Variants in DIP2C observed in about 807,000 individuals in gnomAD.
DIP2C encodes disco-interacting protein 2 homolog C.
In DIP2C, 33 loss-of-function variants were observed where a neutral mutation model predicts 192.4. The observed-to-expected ratio is 0.17, with a 90% CI of 0.13 to 0.23. The LOEUF is 0.23. Ranked by LOEUF, DIP2C falls within the 10% of genes least tolerant of loss-of-function variation. The probability of loss-of-function intolerance (pLI) is 1.00; values close to 1 mark genes in which losing one functional copy is unlikely to be tolerated. For missense variants in DIP2C, 1,537 were observed against 2,110.1 expected (o/e 0.73, Z 5.32); for synonymous variants, 979 against 864.1 (o/e 1.13, Z -2.33).
At chr10:461,574 C>CA (rs1969781039) in intron 3 of DIP2C, among the ~76,000 whole-genome samples, 1 of 152,178 alleles carries the variant, frequency 6.6e-6, no homozygotes, top group African/African-American at 2.4e-5. Flanking sequence ...TAGACTCCCA[C>CA]ACAGTAACAG....
At position 392,286 on chromosome 10, in the gene DIP2C, A is replaced by G. The variant is rs543469982; in HGVS notation, c.1261-1423T>C. Among the ~76,000 whole-genome samples the G allele has an allele frequency of 8.5e-5, 13 of 152,300 alleles. No individual in the cohort carries two copies. The South Asian group carries it at 2.7e-3, about 32-fold the overall frequency. ...AAGTGCCGGGCCGAGGCAGGAGAACACGCGTGACTGTCACAAGACGGAGGA... is the reference window on the plus strand; with the variant it reads ...AAGTGCCGGGCCGAGGCAGGAGAACGCGCGTGACTGTCACAAGACGGAGGA... On this transcript the variant is annotated intron_variant, in intron 10 of 36. Transcript: ENST00000280886.
intron 1 of DIP2C, among the ~76,000 whole-genome samples, chr10:564,212 T>TC (rs1588470167): frequency 2.0e-5 from 3 of 151,674 alleles, no homozygotes; most frequent in Admixed American, 6.6e-5. Context: ...GGGAGAACGT[T>TC]CCCCCCACCC....
chr10:314,475 G>A (rs1304060222), intron 31 of DIP2C, among the ~76,000 whole-genome samples: 2 of 152,088 alleles, frequency 1.3e-5, no homozygotes, highest in Admixed American at 6.6e-5. Context: ...TTCTAAACTC[G>A]GCACCAGCCA....
At chr10:570,899 G>T (rs560534995) in intron 1 of DIP2C, among the ~76,000 whole-genome samples, 1 of 152,368 alleles carries the variant, frequency 6.6e-6, no homozygotes, top group Non-Finnish European at 1.5e-5. Context: ...ATGTACTGCT[G>T]CAACAGCAGC....
chr10:504,516 G>A (rs1412964267), intron 1 of DIP2C, among the ~76,000 whole-genome samples: 1 of 152,170 alleles, frequency 6.6e-6, no homozygotes, highest in Non-Finnish European at 1.5e-5. Context: ...CTCAGAAGCT[G>A]CAAGATGACC....
intron 1 of DIP2C, among the ~76,000 whole-genome samples, chr10:571,921 A>G (rs1295930344): frequency 6.6e-6 from 1 of 152,222 alleles, no homozygotes. Context: ...CTGTCCATCA[A>G]CTGCGAATTA....
chr10:421,261 C>T (rs1218691734), intron 5 of DIP2C, among the ~76,000 whole-genome samples: 2 of 152,200 alleles, frequency 1.3e-5, no homozygotes, highest in African/African-American at 4.8e-5. Flanking sequence ...TGGATACATT[C>T]TTTGTACTAA....
chr10:414,852 TTGTGTGTGTGTGTGTGTGTGTG>T (rs748231177), intron 7 of DIP2C, among the ~76,000 whole-genome samples: 142 of 98,870 alleles, frequency 1.4e-3, no homozygotes, highest in African/African-American at 5.4e-3. Flanking sequence ...ACATATATAT[TTGTGTGTGTGTGTGTGTGTGTG>T]TGTGTGTGTG....
At chr10:659,434 C>G (rs1054498780) in intron 1 of DIP2C, among the ~76,000 whole-genome samples, 1 of 152,192 alleles carries the variant, frequency 6.6e-6, no homozygotes, top group Non-Finnish European at 1.5e-5. Context: ...CAATTCTATA[C>G]AAAATGGTTT....
chr10:564,987 C>T (rs1434568405), intron 1 of DIP2C, among the ~76,000 whole-genome samples: 1 of 152,160 alleles, frequency 6.6e-6, no homozygotes, highest in African/African-American at 2.4e-5. Flanking sequence ...TACTGGAAAC[C>T]TGGTGAAGAT....
At chr10:349,039 G>A (rs1958659028) in intron 25 of DIP2C, among the ~76,000 whole-genome samples, 1 of 152,220 alleles carries the variant, frequency 6.6e-6, no homozygotes, top group Non-Finnish European at 1.5e-5. Context: ...ATTTAGTCAA[G>A]ATTTAGGTAC....
At chr10:383,774 G>C (rs191516886) in intron 16 of DIP2C, among the ~76,000 whole-genome samples, 1 of 152,078 alleles carries the variant, frequency 6.6e-6, no homozygotes, top group Non-Finnish European at 1.5e-5. Flanking sequence ...CTGAATCCCA[G>C]GGCTGTGGAG....
intron 17 of DIP2C, among the ~76,000 whole-genome samples, chr10:378,460 C>T (rs1961907905): frequency 6.6e-6 from 1 of 152,132 alleles, no homozygotes; most frequent in Non-Finnish European, 1.5e-5. Context: ...TGAACACAAA[C>T]ATGCCTAGAC....
At chr10:438,422 CACAT>C (rs1349258409) in intron 4 of DIP2C, among the ~76,000 whole-genome samples, 1 of 152,130 alleles carries the variant, frequency 6.6e-6, no homozygotes, top group East Asian at 1.9e-4. Context: ...ACACAAAGAA[CACAT>C]ACAAATAACA....
At chr10:398,644 C>G (rs1054884124) in intron 10 of DIP2C, among the ~76,000 whole-genome samples, 1 of 152,182 alleles carries the variant, frequency 6.6e-6, no homozygotes, top group African/African-American at 2.4e-5. Context: ...TGACAACGCA[C>G]ATTAATTTCT....
intron 29 of DIP2C, among the ~76,000 whole-genome samples, chr10:335,717 C>T (rs1486188304): frequency 6.6e-6 from 1 of 152,216 alleles, no homozygotes; most frequent in East Asian, 1.9e-4. Context: ...CAGGCTTCAC[C>T]ATCACTGAGG....
chr10:340,900 C>T (rs755003156), intron 29 of DIP2C: 2 of 495,704 alleles, frequency 4.0e-6, no homozygotes, highest in Admixed American at 4.6e-5. Flanking sequence ...CCAGGTTTTA[C>T]AGGCATAAGA....
intron 26 of DIP2C, among the ~76,000 whole-genome samples, chr10:347,229 C>G (rs1201426955): frequency 7.6e-6 from 1 of 131,112 alleles, no homozygotes; most frequent in African/African-American, 3.2e-5. Context: ...ACACATCGTG[C>G]ATAGTTCTCC....
chr10:349,198 C>T, intron 25 of DIP2C, 133 bp downstream of exon 25: 2 of 1,301,406 alleles, frequency 1.5e-6, no homozygotes, highest in East Asian at 2.6e-5. Context: ...TGGTTAGCAT[C>T]CAGCTGGATA....
Sources: allele counts gnomAD v4.1 joint callset (sites outside exome capture counted in the v4.1 genomes callset), GRCh38; gene constraint gnomAD v4.1.1; transcripts MANE v1.5; gene names NCBI Gene and HGNC (gene_info 2026-07-23, HGNC 2026-07-21).